Variants in INTS9 observed in about 807,000 individuals in gnomAD.
INTS9 encodes the protein protein related to CPSF subunits of 74 kDa.
Under a neutral mutation model 79.7 loss-of-function variants are expected in INTS9, and 55 were observed. The observed-to-expected ratio is 0.69, with a 90% CI of 0.56 to 0.86. INTS9 has a LOEUF of 0.86. INTS9 is among the 40% of genes least tolerant of loss of function. The probability of loss-of-function intolerance (pLI) is 0.00; values close to 1 mark genes in which losing one functional copy is unlikely to be tolerated. For missense variants in INTS9, 721 were observed against 831.5 expected, an observed-to-expected ratio of 0.87 and a Z score of 1.64; for synonymous variants, 319 against 325.2, an observed-to-expected ratio of 0.98 and a Z score of 0.20.
intron 6 of INTS9, among the ~76,000 whole-genome samples, chr8:28,816,034 G>A (rs935091941): frequency 1.3e-5 from 2 of 151,524 alleles, no homozygotes; most frequent in Non-Finnish European, 2.9e-5. Flanking sequence ...GTTTTTAATA[G>A]CAATGTTTAA....
chr8:28,868,711 A>C (rs1808898000), intron 1 of INTS9, among the ~76,000 whole-genome samples: 1 of 152,214 alleles, frequency 6.6e-6, no homozygotes, highest in Non-Finnish European at 1.5e-5. Flanking sequence ...TAACACAAAA[A>C]TGTTGTTTCT....
chr8:28,864,721 C>G (rs913081106), intron 1 of INTS9, among the ~76,000 whole-genome samples: 5 of 152,078 alleles, frequency 3.3e-5, no homozygotes, highest in African/African-American at 1.2e-4. Flanking sequence ...GATATGGAAT[C>G]CTGTTGTACA....
chr8:28,773,121 T>C (rs1388277530), intron 14 of INTS9, among the ~76,000 whole-genome samples: 1 of 152,212 alleles, frequency 6.6e-6, no homozygotes, highest in Non-Finnish European at 1.5e-5. Context: ...TGTAAAAGGA[T>C]GCTCCTAAAA....
rs377449663 is a variant in INTS9 at position 28,846,705 on chromosome 8, T to C, written c.261+42A>G. 41 of 1,414,932 alleles carry C rather than the reference T, an allele frequency of 2.9e-5. No homozygotes were observed. The African/African-American group carries it at 5.6e-4, about 19-fold the overall frequency. The allele number at this position is 1,414,932 out of a possible 1,614,324, so 87.6% of individuals were successfully genotyped here. ...CTTGACTTCATTTTGAGCAATTACA[T>C]AATAAGGTTTGTTTCTACAATAAGA... On this transcript the variant is annotated intron_variant, in intron 4 of 16. Transcript: ENST00000521022.
intron 6 of INTS9, among the ~76,000 whole-genome samples, chr8:28,825,520 G>A (rs1031098856): frequency 7.2e-5 from 11 of 152,152 alleles, no homozygotes; most frequent in African/African-American, 2.7e-4. Context: ...ACCATACCAC[G>A]TGGGCTTTCC....
intron 2 of INTS9, among the ~76,000 whole-genome samples, chr8:28,853,010 A>G (rs1463410870): frequency 6.6e-6 from 1 of 152,256 alleles, no homozygotes; most frequent in Non-Finnish European, 1.5e-5. Flanking sequence ...AACCATAAAG[A>G]GTAAATTTTA....
rs1803204705 is a variant in INTS9 at position 28,780,714 on chromosome 8, G to A, written c.1270+109C>T. ...TGGTACCTACAGTAGAACAATGTTT[G>A]TATTTATGTCTCACTGCAAAATCCT... On this transcript the variant is annotated intron_variant, in intron 12 of 16. Transcript: ENST00000521022. 2.0e-6 allele frequency: 3 copies of A among 1,513,720 alleles called. No homozygotes were observed. The South Asian group carries it at 3.9e-5, about 20-fold the overall frequency. 93.8% of individuals were successfully genotyped at this position (1,513,720 alleles called of 1,614,324 possible).
intron 3 of INTS9, 27 bp downstream of exon 3, chr8:28,850,186 G>T: frequency 1.3e-6 from 2 of 1,591,168 alleles, no homozygotes; most frequent in Non-Finnish European, 1.7e-6. Context: ...CTGTAGATAG[G>T]CTTTAGTTTG....
intron 6 of INTS9, among the ~76,000 whole-genome samples, chr8:28,822,175 C>T (rs550851778): frequency 1.1e-4 from 16 of 151,642 alleles, no homozygotes; most frequent in South Asian, 4.2e-4. Flanking sequence ...GGGAATTTTG[C>T]GGAAGAACAA....
chr8:28,874,931 C>G (rs141237385), intron 1 of INTS9, among the ~76,000 whole-genome samples: 1 of 152,298 alleles, frequency 6.6e-6, no homozygotes, highest in African/African-American at 2.4e-5. Context: ...TTCCACGTGG[C>G]TGGGAAGGTC....
intron 2 of INTS9, among the ~76,000 whole-genome samples, chr8:28,853,689 A>C (rs1807981108): frequency 6.6e-6 from 1 of 152,210 alleles, no homozygotes; most frequent in Non-Finnish European, 1.5e-5. Context: ...CTTTGTAATC[A>C]TTAAAAGCAA....
intron 1 of INTS9, among the ~76,000 whole-genome samples, chr8:28,874,708 CTTCAAT>C (rs1809283232): frequency 6.6e-6 from 1 of 152,168 alleles, no homozygotes; most frequent in South Asian, 2.1e-4. Context: ...CATGCTTTTG[CTTCAAT>C]TTGCCTAACT....
chr8:28,795,081 ACAG>A (rs1804126236), intron 9 of INTS9, among the ~76,000 whole-genome samples: 1 of 152,254 alleles, frequency 6.6e-6, no homozygotes, highest in African/African-American at 2.4e-5. Context: ...ATTTCTAAGA[ACAG>A]TGCCTTCCGT....
intron 1 of INTS9, among the ~76,000 whole-genome samples, chr8:28,869,905 C>A (rs1808973743): frequency 1.3e-5 from 2 of 151,968 alleles, no homozygotes; most frequent in South Asian, 4.2e-4. Flanking sequence ...TCACACTCAT[C>A]CTGTCCTCTA....
rs146342639 is a variant in INTS9, at chr8:28,836,890, C to A, written c.401+747G>T. Among the ~76,000 whole-genome samples the A allele has an allele frequency of 7.1e-3, 1,074 of 152,260 alleles. 7 individuals carry two copies. Among genetic ancestry groups the A allele is most frequent in the African/African-American group, 0.025 (1,026 of 41,540 alleles). On this transcript the variant is annotated intron_variant, in intron 5 of 16. Transcript: ENST00000521022. ...TAGAATCCAACCTAGGAGTCTATAG[C>A]AATTCTTAAGTCTCACATTTTGGAA...
intron 15 of INTS9, 67 bp from the exon 16 acceptor site, chr8:28,770,093 A>G (rs1186372218): frequency 3.2e-6 from 5 of 1,569,562 alleles, no homozygotes; most frequent in Admixed American, 3.5e-5. Flanking sequence ...CGCAGGCCAC[A>G]CTGAGAGCCT....
In INTS9 at chr8:28,793,804, T is replaced by C; in HGVS notation, c.1037+3A>G. On this transcript the variant is annotated splice_donor_region_variant and intron_variant, in intron 10 of 16. Coordinates refer to ENST00000521022, the MANE Select transcript of INTS9 (RefSeq NM_018250.4). Reference sequence around the variant, plus strand: ...CAAAAAAAAAAAAAAACCACGGACATACCACTCAGCAAAGATCTGGGAAAA... The same window carrying C: ...CAAAAAAAAAAAAAAACCACGGACACACCACTCAGCAAAGATCTGGGAAAA... 1 of 1,560,918 alleles carries C rather than the reference T, an allele frequency of 6.4e-7. No homozygotes were observed. Among genetic ancestry groups the C allele is most frequent in the Non-Finnish European group, 8.7e-7 (1 of 1,152,414 alleles).
At chr8:28,784,378 C>T (rs1803467503) in intron 11 of INTS9, among the ~76,000 whole-genome samples, 1 of 152,230 alleles carries the variant, frequency 6.6e-6, no homozygotes, top group African/African-American at 2.4e-5. Context: ...TTTTGCCACA[C>T]TTAATTTTCT....
intron 1 of INTS9, among the ~76,000 whole-genome samples, chr8:28,886,244 CTT>C (rs1162967820): frequency 1.3e-5 from 2 of 151,830 alleles, no homozygotes; most frequent in Non-Finnish European, 2.9e-5. Flanking sequence ...ACCTTAAAAA[CTT>C]TTTTTTGTTT....
Sources: gnomAD v4.1 joint callset for allele counts (sites outside exome capture counted in the v4.1 genomes callset) on GRCh38, gnomAD v4.1.1 for gene constraint, MANE v1.5 for transcripts, NCBI Gene and HGNC (gene_info 2026-07-23, HGNC 2026-07-21) for gene names.